Variants in CBLB observed in about 807,000 individuals in gnomAD.
The protein encoded by CBLB is E3 ubiquitin-protein ligase CBL-B.
A neutral mutation model predicts 104.9 loss-of-function variants in CBLB; 31 were observed. The observed-to-expected ratio is 0.30, with a 90% confidence interval of 0.22 to 0.40. CBLB has a LOEUF of 0.40. Ranked by LOEUF, CBLB falls within the 10% of genes least tolerant of loss-of-function variation. The pLI is 1.00. For missense variants in CBLB, 1,062 were observed against 1,214.6 expected (o/e 0.87, Z 1.87); for synonymous variants, 440 against 422.6 (o/e 1.04, Z -0.51).
chr3:105,658,901 GT>G lies in CBLB; in HGVS notation c.*68del, dbSNP rs55633186. 4.8e-3 allele frequency: 7,452 copies of G among 1,539,432 alleles called. 27 individuals are homozygous for G. Among genetic ancestry groups the G allele is most frequent in the Non-Finnish European group, 5.3e-3 (5,875 of 1,115,066 alleles). On this transcript the variant is annotated 3_prime_UTR_variant, in exon 19 of 19. Coordinates refer to ENST00000394030, the MANE Select transcript of CBLB (RefSeq NM_170662.5). ...CACTTCTCTCTTGAATTCCATCTCA[GT>G]TCTCTTTATTTCCACACTCTTGGAA...
intron 4 of CBLB, among the ~76,000 whole-genome samples, chr3:105,767,598 T>C (rs2078370978): frequency 6.7e-6 from 1 of 149,808 alleles, no homozygotes. Flanking sequence ...CTACAGAGTA[T>C]GAAACTTCCA....
At chr3:105,685,551 G>A in intron 13 of CBLB, 85 bp from the exon 14 acceptor site, 1 of 1,072,948 alleles carries the variant, frequency 9.3e-7, no homozygotes, top group Admixed American at 1.9e-5. Flanking sequence ...AGTCAAAGAA[G>A]CTACTTTATC....
intron 4 of CBLB, among the ~76,000 whole-genome samples, chr3:105,775,589 G>A (rs529555226): frequency 7.9e-5 from 12 of 152,256 alleles, no homozygotes; most frequent in African/African-American, 2.9e-4. Flanking sequence ...GACATTCTGA[G>A]GACGCGCTCT....
intron 3 of CBLB, among the ~76,000 whole-genome samples, chr3:105,842,144 T>C (rs2089638152): frequency 6.6e-6 from 1 of 152,190 alleles, no homozygotes; most frequent in Non-Finnish European, 1.5e-5. Flanking sequence ...TCATCTGTAA[T>C]GCCAGCCACT....
intron 18 of CBLB, among the ~76,000 whole-genome samples, chr3:105,669,065 A>ATCCATCC (rs1553702593): frequency 2.7e-5 from 4 of 149,848 alleles, no homozygotes; most frequent in Non-Finnish European, 5.9e-5. Context: ...TGTCCACTCA[A>ATCCATCC]ATCCATCCAT....
At chr3:105,781,989 T>C (rs1360882753) in intron 3 of CBLB, among the ~76,000 whole-genome samples, 2 of 152,240 alleles carry the variant, frequency 1.3e-5, no homozygotes, top group Non-Finnish European at 2.9e-5. Flanking sequence ...ATTTCCACTG[T>C]ATTTCTGATG....
chr3:105,747,172 C>T lies in CBLB; in HGVS notation c.724-1134G>A, dbSNP rs1240399836. ...CAAGGGTGTGGATGAATCATCTCTG[C>T]GATTTTTTTAAGGCTGACGCTACAT... is the stretch of plus-strand genomic sequence containing the variant. On this transcript the variant is annotated intron_variant, in intron 5 of 18. Transcript: ENST00000394030. Among the ~76,000 whole-genome samples, 3 of 152,182 alleles carry T rather than the reference C, an allele frequency of 2.0e-5. No homozygotes were observed. The East Asian group carries it at 5.8e-4, about 29-fold the overall frequency.
chr3:105,791,531 G>A (rs2081640980), intron 3 of CBLB, among the ~76,000 whole-genome samples: 1 of 152,152 alleles, frequency 6.6e-6, no homozygotes, highest in Non-Finnish European at 1.5e-5. Context: ...GCCACCCACT[G>A]ACGTTGTCTT....
chr3:105,797,265 A>C (rs1284672152), intron 3 of CBLB, among the ~76,000 whole-genome samples: 1 of 152,238 alleles, frequency 6.6e-6, no homozygotes, highest in Admixed American at 6.5e-5. Flanking sequence ...AAAAAGAATG[A>C]GGTCATGTTC....
rs537551508 is a variant in CBLB at position 105,841,083 on chromosome 3, C to T, written c.419+12331G>A. ...CCGAGGTGGGCAGATCACCTAAGGTCAGGAGTTTGAGACCAGTCTGGCCAA... is the reference window on the plus strand; with the variant it reads ...CCGAGGTGGGCAGATCACCTAAGGTTAGGAGTTTGAGACCAGTCTGGCCAA... On this transcript the variant is annotated intron_variant, in intron 3 of 18. Coordinates refer to ENST00000394030, the MANE Select transcript of CBLB (RefSeq NM_170662.5). Among the ~76,000 whole-genome samples, 7 of 152,090 alleles carry T rather than the reference C, an allele frequency of 4.6e-5. No homozygotes were observed. The East Asian group carries it at 1.4e-3, about 30-fold the overall frequency.
rs532445607 is a variant in CBLB at position 105,670,166 on chromosome 3, T to G, written c.2689+67A>C. The G allele has an allele frequency of 4.7e-6, 6 of 1,272,648 alleles. No homozygotes were observed. The South Asian group carries it at 7.3e-5, about 15-fold the overall frequency. The allele number at this position is 1,272,648 out of a possible 1,614,324, so 78.8% of individuals were successfully genotyped here. ...TTAAATTATATAATGAATAAGAAGG[T>G]GTTCTGAAAAGCAAAAAGCACTATA... On this transcript the variant is annotated intron_variant, in intron 18 of 18. Coordinates refer to ENST00000394030, the MANE Select transcript of CBLB (RefSeq NM_170662.5).
chr3:105,680,453 G>A (rs1354850924), intron 16 of CBLB, among the ~76,000 whole-genome samples: 2 of 152,134 alleles, frequency 1.3e-5, no homozygotes, highest in African/African-American at 4.8e-5. Flanking sequence ...ACCACAGAAA[G>A]CTTTATTGAA....
At chr3:105,660,984 A>G (rs1233188629) in intron 18 of CBLB, among the ~76,000 whole-genome samples, 1 of 149,580 alleles carries the variant, frequency 6.7e-6, no homozygotes, top group African/African-American at 2.5e-5. Context: ...TTTTTTTTTA[A>G]ATGAGATGAA....
At chr3:105,830,509 T>A (rs778848025) in intron 3 of CBLB, among the ~76,000 whole-genome samples, 9 of 152,234 alleles carry the variant, frequency 5.9e-5, no homozygotes, top group Non-Finnish European at 8.8e-5. Context: ...GACTTAGTCA[T>A]GAAAGACAGG....
chr3:105,857,949 C>T (rs973931050), intron 2 of CBLB, among the ~76,000 whole-genome samples: 2 of 152,172 alleles, frequency 1.3e-5, no homozygotes, highest in African/African-American at 2.4e-5. Flanking sequence ...GAAATACATA[C>T]TTAAATTTGC....
chr3:105,819,934 G>C (rs1036216908), intron 3 of CBLB, among the ~76,000 whole-genome samples: 2 of 152,074 alleles, frequency 1.3e-5, no homozygotes, highest in African/African-American at 4.8e-5. Flanking sequence ...CAGGGGCATG[G>C]GGATGGTTTC....
rs570516984 is a variant in CBLB at position 105,869,005 on chromosome 3, C to T, written c.-284G>A. 1.9e-6 allele frequency: 2 copies of T among 1,055,918 alleles called. No homozygotes were observed. The highest frequency in any genetic ancestry group is 3.5e-5 in the African/African-American group (2 of 57,006). 65.4% of individuals were successfully genotyped at this position (1,055,918 alleles called of 1,614,324 possible). On this transcript the variant is annotated 5_prime_UTR_variant, in exon 1 of 19. Transcript: ENST00000394030. ...GCACTAGCAGGAGGAGGAGACCGCT[C>T]GCTGGACACCCCACCCCTGTGGCAC...
Position 105,776,456 on chromosome 3 carries a change from T to C in CBLB, c.506A>G (p.Asp169Gly). 6.2e-7 allele frequency: 1 copy of C among 1,613,786 alleles called. No individual in the cohort carries two copies. Among genetic ancestry groups the C allele is most frequent in the Non-Finnish European group, 8.5e-7 (1 of 1,179,856 alleles). The change falls in exon 4 of 19, where the codon GAT (aspartate) becomes GGT (glycine). Residue 169 changes from aspartate (D) to glycine (G), a missense_variant. Asp to Gly is a moderately conservative substitution (Grantham distance 94). This residue lies in a region of CBLB where 457 missense variants were observed against 632.0 expected (regional missense o/e 0.72). Coordinates refer to ENST00000394030, the MANE Select transcript of CBLB (RefSeq NM_170662.5). The stretch of plus-strand genomic sequence containing the variant: ...ATCTGCTTTTGTGATACGAAAGTTA[T>C]CTCCCTGGAATTGACCATTGGGAAA... ...AIFPNGQFQG[D>G]NFRITKADAA...
At chr3:105,863,736 A>G (rs1336862261) in intron 2 of CBLB, among the ~76,000 whole-genome samples, 1 of 152,234 alleles carries the variant, frequency 6.6e-6, no homozygotes, top group African/African-American at 2.4e-5. Context: ...GGAAAAGCCT[A>G]CTGGGCATCA....
Sources: gnomAD v4.1 joint callset for allele counts (sites outside exome capture counted in the v4.1 genomes callset) on GRCh38, gnomAD v4.1.1 for gene constraint, gnomAD v4.1.1 regional missense constraint, MANE v1.5 for transcripts, NCBI Gene and HGNC (gene_info 2026-07-23, HGNC 2026-07-21) for gene names.